PCDH11X: variants seen among roughly 807,000 people sequenced by gnomAD.
PCDH11X encodes the protein protocadherin-11 X-linked.
PCDH11X carries 18 observed loss-of-function variants against 53.3 expected under a neutral mutation model. That is an observed-to-expected ratio of 0.34 (90% CI 0.23 to 0.50). PCDH11X has a LOEUF of 0.50. Among genes scored for constraint, PCDH11X ranks in the 20% least tolerant of loss-of-function variants. The probability of loss-of-function intolerance (pLI) is 0.98; values close to 1 mark genes in which losing one functional copy is unlikely to be tolerated. For synonymous variants in PCDH11X, 279 were observed against 393.3 expected, an observed-to-expected ratio of 0.71 and a Z score of 3.44; for missense variants, 570 against 1,032.4, an observed-to-expected ratio of 0.55 and a Z score of 6.14.
chrX:92,079,257 C>T (rs1004067437), intron 6 of PCDH11X, among the ~76,000 whole-genome samples: 3 of 111,873 alleles, frequency 2.7e-5, no homozygotes, highest in African/African-American at 9.7e-5. Flanking sequence ...CCGCTACTCT[C>T]TAAAATTTAC....
chrX:92,419,669 CTTTTTTTTTTTTTTTTT>C (rs757189751), intron 9 of PCDH11X, among the ~76,000 whole-genome samples: 22 of 54,198 alleles, frequency 4.1e-4, no homozygotes, highest in African/African-American at 1.6e-3. Flanking sequence ...TCCCTCCACC[CTTTTTTTTTTTTTTTTT>C]TTTTTTTTTT....
chrX:92,561,987 T>A (rs2075137411), intron 10 of PCDH11X, among the ~76,000 whole-genome samples: 1 of 107,535 alleles, frequency 9.3e-6, no homozygotes, highest in African/African-American at 3.4e-5. Flanking sequence ...TACCAGAGAT[T>A]GAGTAATTTA....
At chrX:92,601,130 G>A (rs942029057) in intron 10 of PCDH11X, among the ~76,000 whole-genome samples, 4 of 109,046 alleles carry the variant, frequency 3.7e-5, no homozygotes, top group Non-Finnish European at 7.6e-5. Flanking sequence ...ACTTTGGACC[G>A]TGAACTTTTG....
chrX:92,376,506 A>T (rs1228603746), intron 8 of PCDH11X, among the ~76,000 whole-genome samples: 6 of 111,891 alleles, frequency 5.4e-5, no homozygotes, highest in Non-Finnish European at 1.1e-4. Flanking sequence ...ACTAATATAC[A>T]GCAAATTCAT....
intron 6 of PCDH11X, among the ~76,000 whole-genome samples, chrX:92,136,564 G>C (rs1286265997): frequency 3.4e-3 from 355 of 105,202 alleles, no homozygotes; most frequent in Non-Finnish European, 5.7e-3. Context: ...TTGGAATCCA[G>C]CCATGCTCAT....
intron 1 of PCDH11X, among the ~76,000 whole-genome samples, chrX:91,797,209 G>A (rs1935765062): frequency 9.0e-6 from 1 of 110,750 alleles, no homozygotes; most frequent in Admixed American, 9.7e-5. Context: ...ATTGCCTGTC[G>A]TTAACAATTC....
chrX:92,179,245 G>A (rs766044918), intron 6 of PCDH11X, among the ~76,000 whole-genome samples: 10 of 112,415 alleles, frequency 8.9e-5, no homozygotes, highest in African/African-American at 3.2e-4. Flanking sequence ...CTTTGTTAAA[G>A]CAAGTGAATG....
intron 10 of PCDH11X, among the ~76,000 whole-genome samples, chrX:92,500,246 C>A (rs1464890654): frequency 1.8e-5 from 2 of 111,536 alleles, no homozygotes; most frequent in Non-Finnish European, 3.8e-5. Flanking sequence ...GATCTGAATT[C>A]TATTGTAGAT....
intron 6 of PCDH11X, chrX:91,983,346 C>A: frequency 5.4e-6 from 6 of 1,105,260 alleles, no homozygotes; most frequent in Non-Finnish European, 6.2e-6. Context: ...CTGCCCGTCA[C>A]TTTGGTGGTC....
intron 10 of PCDH11X, among the ~76,000 whole-genome samples, chrX:92,557,473 G>A (rs1194758117): frequency 9.0e-6 from 1 of 111,171 alleles, no homozygotes; most frequent in Non-Finnish European, 1.9e-5. Flanking sequence ...AGCACAGCAA[G>A]AATCATCTTT....
At chrX:92,190,976 C>G (rs1208637496) in intron 6 of PCDH11X, among the ~76,000 whole-genome samples, 1 of 111,891 alleles carries the variant, frequency 8.9e-6, no homozygotes, top group Non-Finnish European at 1.9e-5. Context: ...ATATGCAAAT[C>G]TTTCCCAATG....
rs1928586199 is a variant in PCDH11X, at chrX:92,622,529, T to C, written c.*3589T>C. 1 of 111,091 alleles carries C rather than the reference T, an allele frequency of 9.0e-6. No homozygotes were observed. Among genetic ancestry groups the C allele is most frequent in the Non-Finnish European group, 1.9e-5 (1 of 52,908 alleles). 9.2% of individuals were successfully genotyped at this position (111,091 alleles called of 1,213,427 possible). On this transcript the variant is annotated 3_prime_UTR_variant, in exon 11 of 11. Coordinates refer to ENST00000682573, the MANE Select transcript of PCDH11X (RefSeq NM_032968.5). ...TTATATTTTTTATTATAATTATTAT[T>C]TCTTATCTTTCTTCTTTTATATTTT... is the stretch of plus-strand genomic sequence containing the variant.
At chrX:92,339,338 C>T in intron 8 of PCDH11X, among the ~76,000 whole-genome samples, 1 of 112,152 alleles carries the variant, frequency 8.9e-6, no homozygotes, top group East Asian at 2.8e-4. Flanking sequence ...CTAGGAAATA[C>T]CCTTCTTAAC....
intron 10 of PCDH11X, among the ~76,000 whole-genome samples, chrX:92,487,127 A>G (rs777723058): frequency 5.9e-4 from 52 of 88,507 alleles, no homozygotes; most frequent in African/African-American, 2.3e-3. Flanking sequence ...ATCTAGGCTC[A>G]CTGCATCCTC....
intron 6 of PCDH11X, among the ~76,000 whole-genome samples, chrX:91,993,142 C>T (rs1365663614): frequency 1.8e-5 from 2 of 111,881 alleles, no homozygotes; most frequent in Non-Finnish European, 3.8e-5. Context: ...CAGGTTGTAC[C>T]AATATTCATT....
intron 6 of PCDH11X, among the ~76,000 whole-genome samples, chrX:92,197,187 T>C (rs2066306243): frequency 9.0e-6 from 1 of 111,517 alleles, no homozygotes; most frequent in Non-Finnish European, 1.9e-5. Context: ...CTCTTTTAAA[T>C]ATATATCTTT....
chrX:92,311,103 A>G (rs774748106), intron 8 of PCDH11X, among the ~76,000 whole-genome samples: 24 of 111,780 alleles, frequency 2.1e-4, no homozygotes, highest in African/African-American at 7.8e-4. Context: ...TTTGATATAT[A>G]AAACATTTAA....
At chrX:91,957,076 A>G (rs959999951) in intron 6 of PCDH11X, among the ~76,000 whole-genome samples, 4 of 110,034 alleles carry the variant, frequency 3.6e-5, no homozygotes, top group African/African-American at 1.3e-4. Flanking sequence ...TGCATTGCGA[A>G]GTTCTTGTGT....
At chrX:92,160,203 T>A (rs1463384912) in intron 6 of PCDH11X, among the ~76,000 whole-genome samples, 1 of 109,248 alleles carries the variant, frequency 9.2e-6, no homozygotes, top group African/African-American at 3.4e-5. Context: ...CAGGTGGTAT[T>A]TAGTTACATG....
Sources: allele counts gnomAD v4.1 joint callset (sites outside exome capture counted in the v4.1 genomes callset), GRCh38; gene constraint gnomAD v4.1.1; transcripts MANE v1.5; gene names NCBI Gene and HGNC (gene_info 2026-07-23, HGNC 2026-07-21).